Variants in FSTL5 observed in about 807,000 individuals in gnomAD.
FSTL5 encodes follistatin-related protein 5.
A neutral mutation model predicts 89.1 loss-of-function variants in FSTL5; 62 were observed. The ratio of observed to expected loss-of-function variants is 0.70; its 90% CI spans 0.57 to 0.86. FSTL5 has a LOEUF of 0.86. Ranked by LOEUF, FSTL5 falls within the 40% of genes least tolerant of loss-of-function variation. FSTL5 has a pLI of 0.00. For synonymous variants in FSTL5, 383 were observed against 346.2 expected (o/e 1.11, Z -1.18); for missense variants, 1,057 against 1,001.6 (o/e 1.06, Z -0.75).
intron 3 of FSTL5, among the ~76,000 whole-genome samples, chr4:161,939,046 C>A (rs2110917980): frequency 6.6e-6 from 1 of 151,936 alleles, no homozygotes; most frequent in South Asian, 2.1e-4. Context: ...AAGAGAATGA[C>A]ATTGGGTATA....
At chr4:162,052,975 T>C (rs1242207489) in intron 2 of FSTL5, among the ~76,000 whole-genome samples, 1 of 151,706 alleles carries the variant, frequency 6.6e-6, no homozygotes, top group Non-Finnish European at 1.5e-5. Context: ...ATTGATATAG[T>C]TGACAATGGG....
intron 4 of FSTL5, among the ~76,000 whole-genome samples, chr4:161,850,467 T>C (rs1731512723): frequency 6.6e-6 from 1 of 152,076 alleles, no homozygotes; most frequent in African/African-American, 2.4e-5. Flanking sequence ...CATGCAAAAA[T>C]ACGTGTGTGC....
intron 15 of FSTL5, among the ~76,000 whole-genome samples, chr4:161,454,344 A>G (rs1445843282): frequency 1.3e-5 from 2 of 152,128 alleles, no homozygotes; most frequent in African/African-American, 4.8e-5. Context: ...TGATATCCCA[A>G]CCTTCTCCTC....
chr4:161,849,535 ACAC>A (rs1352185228), intron 4 of FSTL5, among the ~76,000 whole-genome samples: 6 of 141,480 alleles, frequency 4.2e-5, no homozygotes, highest in Admixed American at 3.5e-4. Flanking sequence ...ACCTACACAC[ACAC>A]ACACACACAC....
At chr4:161,859,169 G>A (rs1256094782) in intron 4 of FSTL5, among the ~76,000 whole-genome samples, 1 of 152,094 alleles carries the variant, frequency 6.6e-6, no homozygotes, top group Non-Finnish European at 1.5e-5. Flanking sequence ...GTGGTGCCTG[G>A]AAATTTACCT....
intron 4 of FSTL5, among the ~76,000 whole-genome samples, chr4:161,860,230 G>A (rs1034915355): frequency 6.6e-6 from 1 of 152,146 alleles, no homozygotes; most frequent in Admixed American, 6.5e-5. Context: ...GGAGCTTGCA[G>A]TGAGAGGAGA....
intron 1 of FSTL5, among the ~76,000 whole-genome samples, chr4:162,160,304 T>C (rs2110765770): frequency 6.6e-6 from 1 of 151,844 alleles, no homozygotes; most frequent in East Asian, 1.9e-4. Flanking sequence ...ACAGGGGGAC[T>C]AATTGCTTTA....
intron 3 of FSTL5, among the ~76,000 whole-genome samples, chr4:161,926,420 T>C (rs545009288): frequency 8.1e-5 from 2 of 24,668 alleles, no homozygotes; most frequent in African/African-American, 3.0e-4. Flanking sequence ...TTGTTTTTTG[T>C]TTTTTTACAA....
Position 161,384,801 on chromosome 4 carries a change from C to T in FSTL5, c.*946G>A, listed in dbSNP as rs1243263070. On this transcript the variant is annotated 3_prime_UTR_variant, in exon 16 of 16. Transcript: ENST00000306100. ...TGTTAATTTCCCTATATATGGTTTACTTTAGCAGACAAAAGTAATGTTTCT... is the reference window on the plus strand; with the variant it reads ...TGTTAATTTCCCTATATATGGTTTATTTTAGCAGACAAAAGTAATGTTTCT... The T allele has an allele frequency of 3.3e-5, 5 of 152,044 alleles. No homozygotes were observed. Among genetic ancestry groups the T allele is most frequent in the African/African-American group, 1.2e-4 (5 of 41,426 alleles). The allele number at this position is 152,044 out of a possible 1,614,324, so 9.4% of individuals were successfully genotyped here.
At chr4:161,616,990 C>A (rs1734897239) in intron 7 of FSTL5, among the ~76,000 whole-genome samples, 1 of 150,822 alleles carries the variant, frequency 6.6e-6, no homozygotes, top group Non-Finnish European at 1.5e-5. Flanking sequence ...AGAAAAAGAA[C>A]AAAATATTTG....
At chr4:162,105,894 T>C (rs2111395186) in intron 2 of FSTL5, among the ~76,000 whole-genome samples, 1 of 152,218 alleles carries the variant, frequency 6.6e-6, no homozygotes, top group South Asian at 2.1e-4. Flanking sequence ...GATAGCAAAT[T>C]TTTTCCTCAG....
At position 161,776,061 on chromosome 4, in the gene FSTL5, C is replaced by A; in HGVS notation, c.423G>T (p.Lys141Asn). ...EDCFFKGDKC[K>N]TTEYSKMKNM... ...TTTTCATCTTGCTGTATTCAGTAGT[C>A]TTGCACTTATCTCCTGTAACAAAAG... The change falls in exon 5 of 16, where the codon AAG (lysine) becomes AAT (asparagine). Residue 141 changes from lysine (K) to asparagine (N), a missense_variant. Around this residue, in one of 3 missense-constraint regions of FSTL5, gnomAD observed 980 missense variants for 903.2 expected, o/e 1.08. Coordinates refer to ENST00000306100, the MANE Select transcript of FSTL5 (RefSeq NM_020116.5). 6.6e-7 allele frequency: 1 copy of A among 1,504,624 alleles called. No individual in the cohort carries two copies. The highest frequency in any genetic ancestry group is 9.0e-7 in the Non-Finnish European group (1 of 1,112,288). The allele number at this position is 1,504,624 out of a possible 1,614,324, so 93.2% of individuals were successfully genotyped here. A position where few individuals can be genotyped will look rare whatever the true frequency, so the allele number is the denominator to read the frequency against.
rs796934876 is a variant in FSTL5, at chr4:161,415,251, C to CT, written c.1842-28803dup. ...TGGGCCAGCATTGTTTGTCTCTTCA[C>CT]TTTTTTTTGGTTTTCTTTTTTTGAG... is the stretch of plus-strand genomic sequence containing the variant. On this transcript the variant is annotated intron_variant, in intron 15 of 15. Coordinates refer to ENST00000306100, the MANE Select transcript of FSTL5 (RefSeq NM_020116.5). 3.3e-5 allele frequency among the ~76,000 whole-genome samples: 5 copies of CT among 151,888 alleles called. No individual in the cohort carries two copies. In the East Asian group the frequency reaches 7.8e-4, roughly 24 times the overall value.
intron 6 of FSTL5, among the ~76,000 whole-genome samples, chr4:161,753,238 T>A (rs1039677024): frequency 6.6e-6 from 1 of 152,202 alleles, no homozygotes; most frequent in Non-Finnish European, 1.5e-5. Context: ...GTGTATTTTT[T>A]AAAAATATAC....
At chr4:161,721,419 G>C (rs1289577128) in intron 6 of FSTL5, among the ~76,000 whole-genome samples, 2 of 151,760 alleles carry the variant, frequency 1.3e-5, no homozygotes, top group Non-Finnish European at 2.9e-5. Flanking sequence ...AATTTTTGGA[G>C]TTGATTAATA....
chr4:161,567,458 A>G (rs1385378616), intron 8 of FSTL5, among the ~76,000 whole-genome samples: 2 of 152,138 alleles, frequency 1.3e-5, no homozygotes, highest in African/African-American at 2.4e-5. Context: ...GTGTCATTAC[A>G]TTAATTAGTC....
intron 6 of FSTL5, among the ~76,000 whole-genome samples, chr4:161,736,005 G>A (rs1010751320): frequency 1.6e-4 from 24 of 152,078 alleles, no homozygotes; most frequent in African/African-American, 5.8e-4. Context: ...AAACTGATAT[G>A]GGCTGATCTA....
intron 2 of FSTL5, among the ~76,000 whole-genome samples, chr4:162,066,355 C>CCTTCTTCTTCTTCTTCTT (rs1285551001): frequency 1.6e-5 from 1 of 61,180 alleles, no homozygotes; most frequent in East Asian, 3.7e-4. Flanking sequence ...TTCTTCTTCT[C>CCTTCTTCTTCTTCTTCTT]CTTCTTCTTC....
chr4:162,065,927 G>C (rs1032910622), intron 2 of FSTL5, among the ~76,000 whole-genome samples: 1 of 151,588 alleles, frequency 6.6e-6, no homozygotes, highest in Non-Finnish European at 1.5e-5. Flanking sequence ...AAAAAAGTAG[G>C]GTTACCATCT....
Sources: gnomAD v4.1 joint callset for allele counts (sites outside exome capture counted in the v4.1 genomes callset) on GRCh38, gnomAD v4.1.1 for gene constraint, gnomAD v4.1.1 regional missense constraint, MANE v1.5 for transcripts, NCBI Gene and HGNC (gene_info 2026-07-23, HGNC 2026-07-21) for gene names.